Variants in ARHGAP44 observed in about 807,000 individuals in gnomAD.
ARHGAP44 encodes rho GTPase-activating protein 44.
In ARHGAP44, 43 loss-of-function variants were observed where a neutral mutation model predicts 106.8. That is an observed-to-expected ratio of 0.40 (90% confidence interval 0.32 to 0.52). The LOEUF (loss-of-function observed/expected upper bound fraction) is 0.52. Ranked by LOEUF, ARHGAP44 falls within the 20% of genes least tolerant of loss-of-function variation. The probability of loss-of-function intolerance (pLI) is 0.48; values close to 1 mark genes in which losing one functional copy is unlikely to be tolerated. For synonymous variants in ARHGAP44, 439 were observed against 410.3 expected (o/e 1.07, Z -0.85); for missense variants, 866 against 1,050.5 (o/e 0.82, Z 2.43).
chr17:12,792,218 A>G (rs2033785027), intron 1 of ARHGAP44, among the ~76,000 whole-genome samples: 1 of 152,090 alleles, frequency 6.6e-6, no homozygotes, highest in East Asian at 1.9e-4. Flanking sequence ...GCTTTTTCTC[A>G]TCATTTCAGT....
chr17:12,926,505 ATATT>A (rs1411594591), intron 6 of ARHGAP44, among the ~76,000 whole-genome samples: 2 of 143,816 alleles, frequency 1.4e-5, no homozygotes, highest in African/African-American at 2.5e-5. Context: ...ATATGTATAT[ATATT>A]ATATATGCAT....
intron 16 of ARHGAP44, among the ~76,000 whole-genome samples, chr17:12,967,696 ATCACT>A (rs2143271876): frequency 6.6e-6 from 1 of 152,156 alleles, no homozygotes; most frequent in Admixed American, 6.5e-5. Flanking sequence ...TCACCAACAC[ATCACT>A]TCATTGCTTC....
At chr17:12,968,776 T>C (rs1256616752) in intron 16 of ARHGAP44, among the ~76,000 whole-genome samples, 4 of 143,830 alleles carry the variant, frequency 2.8e-5, no homozygotes, top group South Asian at 2.3e-4. Flanking sequence ...TCTTTTCTTT[T>C]TTTTTTTTTT....
intron 18 of ARHGAP44, among the ~76,000 whole-genome samples, chr17:12,975,589 G>T (rs898162615): frequency 4.6e-5 from 7 of 152,002 alleles, no homozygotes; most frequent in African/African-American, 1.7e-4. Context: ...ACGAGGTCAG[G>T]AGATCGAGAC....
At chr17:12,945,435 G>C (rs778448128) in intron 10 of ARHGAP44, among the ~76,000 whole-genome samples, 19 of 152,148 alleles carry the variant, frequency 1.2e-4, no homozygotes, top group Non-Finnish European at 2.5e-4. Context: ...GATCTGATTA[G>C]CCAATCAGTA....
At chr17:12,858,712 G>A (rs11657401) in intron 1 of ARHGAP44, among the ~76,000 whole-genome samples, 120,750 of 152,134 alleles carry the variant, frequency 0.79, 48,385 homozygotes, top group African/African-American at 0.91. Context: ...TGACTAAATT[G>A]AGATGAGGCC....
At chr17:12,857,305 A>G (rs527842264) in intron 1 of ARHGAP44, among the ~76,000 whole-genome samples, 3 of 152,372 alleles carry the variant, frequency 2.0e-5, no homozygotes, top group East Asian at 3.9e-4. Flanking sequence ...AGGGTAATTT[A>G]TAAAGAATAG....
chr17:12,831,081 G>T (rs189419361), intron 1 of ARHGAP44, among the ~76,000 whole-genome samples: 2 of 152,310 alleles, frequency 1.3e-5, no homozygotes, highest in East Asian at 3.9e-4. Context: ...CGCTTTCAAA[G>T]GAATTAAGTA....
At chr17:12,850,109 A>G (rs532948688) in intron 1 of ARHGAP44, among the ~76,000 whole-genome samples, 1 of 152,324 alleles carries the variant, frequency 6.6e-6, no homozygotes, top group Admixed American at 6.5e-5. Flanking sequence ...AGGATAGCTC[A>G]AGTATACCTA....
chr17:12,842,660 A>G (rs1036140411), intron 1 of ARHGAP44, among the ~76,000 whole-genome samples: 9 of 152,158 alleles, frequency 5.9e-5, no homozygotes, highest in African/African-American at 2.2e-4. Flanking sequence ...GTTGGGGACT[A>G]TACTTTGAGA....
At chr17:12,898,071 G>T (rs973498624) in intron 3 of ARHGAP44, among the ~76,000 whole-genome samples, 2 of 152,144 alleles carry the variant, frequency 1.3e-5, no homozygotes, top group Non-Finnish European at 2.9e-5. Flanking sequence ...CCCAAGAGAA[G>T]GGGACAGGCC....
At chr17:12,828,643 T>TTC (rs1449620373) in intron 1 of ARHGAP44, among the ~76,000 whole-genome samples, 2 of 144,460 alleles carry the variant, frequency 1.4e-5, no homozygotes, top group Non-Finnish European at 3.0e-5. Flanking sequence ...TTTCTTTTTT[T>TTC]TTTTTTTTTT....
intron 1 of ARHGAP44, among the ~76,000 whole-genome samples, chr17:12,868,572 A>G (rs2036301799): frequency 7.2e-6 from 1 of 138,538 alleles, no homozygotes; most frequent in African/African-American, 2.6e-5. Flanking sequence ...AGTCATTTAA[A>G]AAGTCATATA....
At chr17:12,948,612 C>T (rs1161492973) in intron 10 of ARHGAP44, among the ~76,000 whole-genome samples, 2 of 152,004 alleles carry the variant, frequency 1.3e-5, no homozygotes, top group Admixed American at 6.6e-5. Context: ...AGAGGTTGCA[C>T]TGAGTCAAGA....
At chr17:12,795,241 C>T (rs1415435806) in intron 1 of ARHGAP44, among the ~76,000 whole-genome samples, 5 of 152,200 alleles carry the variant, frequency 3.3e-5, no homozygotes, top group Admixed American at 6.5e-5. Context: ...GCCTGTTCTG[C>T]TGTATATATG....
At chr17:12,820,675 C>A (rs552725146) in intron 1 of ARHGAP44, among the ~76,000 whole-genome samples, 4 of 152,254 alleles carry the variant, frequency 2.6e-5, no homozygotes, top group Admixed American at 1.3e-4. Flanking sequence ...TGAGGCCCTA[C>A]AGTGTGTTGA....
chr17:12,875,241 C>T (rs2075139211), intron 1 of ARHGAP44, among the ~76,000 whole-genome samples: 1 of 152,058 alleles, frequency 6.6e-6, no homozygotes, highest in Non-Finnish European at 1.5e-5. Flanking sequence ...CAGGGACCAC[C>T]CTTTGGCATA....
At chr17:12,985,132 G>A (rs1014181377) in intron 20 of ARHGAP44, 40 of 547,772 alleles carry the variant, frequency 7.3e-5, no homozygotes, top group East Asian at 4.0e-4. Context: ...GATCTCTCTC[G>A]GTCTAAGCCC....
At chr17:12,903,109 A>AGAGAGAGAG (rs1555553554) in intron 3 of ARHGAP44, among the ~76,000 whole-genome samples, 5 of 117,616 alleles carry the variant, frequency 4.3e-5, no homozygotes, top group Admixed American at 8.8e-5. Context: ...AGAGAGAGAG[A>AGAGAGAGAG]GAGAGAGAGA....
Sources: gnomAD v4.1 joint callset for allele counts (sites outside exome capture counted in the v4.1 genomes callset) on GRCh38, gnomAD v4.1.1 for gene constraint, MANE v1.5 for transcripts, NCBI Gene and HGNC (gene_info 2026-07-23, HGNC 2026-07-21) for gene names.